The following CLECL1 variants were observed in gnomAD, a reference collection of about 807,000 sequenced individuals.
The protein encoded by CLECL1 is C-type lectin-like domain family 1.
the CLECL1 span, chr12:9,704,001 A>G: frequency 6.6e-6 from 1 of 152,186 alleles, no homozygotes; most frequent in African/African-American, 2.4e-5. Context: ...TACATTTATA[A>G]GTTACATTAA....
chr12:9,720,562 G>T (rs751021395), downstream of CLECL1, among the ~76,000 whole-genome samples: 1 of 151,970 alleles, frequency 6.6e-6, no homozygotes, highest in African/African-American at 2.4e-5. Flanking sequence ...GGCTGGTCTC[G>T]AACTCCCGAC....
chr12:9,707,171 C>G, the CLECL1 span, among the ~76,000 whole-genome samples: 1 of 152,000 alleles, frequency 6.6e-6, no homozygotes, highest in Non-Finnish European at 1.5e-5. Flanking sequence ...TTTGAAAAAG[C>G]TGAAGGGTTA....
At chr12:9,723,437 GACAGACAC>G (rs373006879) in intron 3 of CLECL1, among the ~76,000 whole-genome samples, 1,446 of 13,982 alleles carry the variant, frequency 0.1, 29 homozygotes, top group African/African-American at 0.2. Flanking sequence ...CACAGAGACA[GACAGACAC>G]ACACACACAC....
chr12:9,726,791 AT>A (rs1866385353), intron 3 of CLECL1, among the ~76,000 whole-genome samples: 2 of 151,918 alleles, frequency 1.3e-5, no homozygotes, highest in Non-Finnish European at 2.9e-5. Context: ...TGTCACAGGT[AT>A]AAGGATTACA....
chr12:9,725,152 T>C (rs765180092), intron 3 of CLECL1, among the ~76,000 whole-genome samples: 2 of 152,248 alleles, frequency 1.3e-5, no homozygotes, highest in South Asian at 4.1e-4. Flanking sequence ...AGATAATCAC[T>C]ATAGCTAATG....
the CLECL1 span, chr12:9,703,993 C>T: frequency 6.6e-6 from 1 of 151,998 alleles, no homozygotes; most frequent in African/African-American, 2.4e-5. Context: ...TAATTGAATA[C>T]ATTTATAAGT....
downstream of CLECL1, among the ~76,000 whole-genome samples, chr12:9,721,995 A>G (rs148767911): frequency 4.4e-4 from 67 of 152,314 alleles, no homozygotes; most frequent in African/African-American, 1.6e-3. Flanking sequence ...CAGATGGCGC[A>G]TGTTCAACCA....
At chr12:9,714,234 G>A (rs947410789), downstream of CLECL1, among the ~76,000 whole-genome samples, 1 of 152,200 alleles carries the variant, frequency 6.6e-6, no homozygotes, top group Non-Finnish European at 1.5e-5. Flanking sequence ...AGTATTGTAT[G>A]ATTTTTTCAG....
intron 3 of CLECL1, among the ~76,000 whole-genome samples, chr12:9,724,184 G>GAAAAAAAAAAAAGAAAAAAAAAAAAA (rs1866348204): frequency 7.7e-6 from 1 of 130,148 alleles, no homozygotes; most frequent in Non-Finnish European, 1.7e-5. Flanking sequence ...GCAACTCCAT[G>GAAAAAAAAAAAAGAAAAAAAAAAAAA]AAAAAAAAAA....
the CLECL1 span, among the ~76,000 whole-genome samples, chr12:9,703,750 A>T: frequency 6.6e-6 from 1 of 152,094 alleles, no homozygotes; most frequent in Non-Finnish European, 1.5e-5. Context: ...ATATATATGT[A>T]TACATATTTG....
chr12:9,714,113 T>A (rs1015196147), downstream of CLECL1, among the ~76,000 whole-genome samples: 52 of 152,334 alleles, frequency 3.4e-4, no homozygotes, highest in African/African-American at 1.1e-3. Flanking sequence ...GCTCAACTGG[T>A]TTTATTAGTA....
chr12:9,703,498 G>A, the CLECL1 span, among the ~76,000 whole-genome samples: 2 of 151,848 alleles, frequency 1.3e-5, no homozygotes, highest in African/African-American at 4.8e-5. Context: ...AAACTCTGGC[G>A]ATCCTCTCAC....
At chr12:9,730,293 A>C (rs1362640017) in intron 1 of CLECL1, among the ~76,000 whole-genome samples, 4 of 152,244 alleles carry the variant, frequency 2.6e-5, no homozygotes, top group Non-Finnish European at 5.9e-5. Flanking sequence ...GATAATAAAT[A>C]AACCAAATAA....
intron 1 of CLECL1, 133 bp downstream of exon 1, chr12:9,732,816 T>C: frequency 1.4e-6 from 1 of 698,460 alleles, no homozygotes; most frequent in Non-Finnish European, 2.3e-6. Flanking sequence ...TTCGCTCTTA[T>C]TCTTAGCATT....
At chr12:9,714,010 T>C (rs1866216505), downstream of CLECL1, among the ~76,000 whole-genome samples, 1 of 152,236 alleles carries the variant, frequency 6.6e-6, no homozygotes, top group African/African-American at 2.4e-5. Context: ...CTTATAGACC[T>C]CTCTTTTAGC....
exon 1 of CLECL1, chr12:9,733,010 G>C: frequency 6.2e-7 from 1 of 1,614,186 alleles, no homozygotes; most frequent in Non-Finnish European, 8.5e-7. Context: ...TGATGTCAGC[G>C]TAGACTACAT....
chr12:9,728,940 C>T (rs1029321520), intron 2 of CLECL1, among the ~76,000 whole-genome samples: 6 of 29,032 alleles, frequency 2.1e-4, no homozygotes, highest in African/African-American at 5.8e-4. Flanking sequence ...GACATAGACA[C>T]TGCATTGACT....
chr12:9,731,162 T>A (rs1362954150), intron 1 of CLECL1, among the ~76,000 whole-genome samples: 1 of 152,218 alleles, frequency 6.6e-6, no homozygotes, highest in East Asian at 1.9e-4. Context: ...AAACACACAC[T>A]CTCACTGATG....
chr12:9,733,193 G>A (rs1565484483), upstream of CLECL1: 1 of 1,613,568 alleles, frequency 6.2e-7, no homozygotes, highest in East Asian at 2.2e-5. Flanking sequence ...CAAAACCAAT[G>A]TGTTCAGTCT....
Sources: allele counts gnomAD v4.1 joint callset (sites outside exome capture counted in the v4.1 genomes callset), GRCh38; gene constraint gnomAD v4.1.1; transcripts MANE v1.5; gene names NCBI Gene and HGNC (gene_info 2026-07-23, HGNC 2026-07-21).